LAMA2: variants seen among roughly 807,000 people sequenced by gnomAD.
LAMA2 encodes the protein laminin subunit alpha 2.
In LAMA2, 269 loss-of-function variants were observed where a neutral mutation model predicts 364.8. That is an observed-to-expected ratio of 0.74 (90% confidence interval 0.67 to 0.82). The LOEUF is 0.82. Among genes scored for constraint, LAMA2 ranks in the 40% least tolerant of loss-of-function variants. LAMA2 has a pLI of 0.00. For missense variants in LAMA2, 3,807 were observed against 3,873.2 expected (o/e 0.98, Z 0.45); for synonymous variants, 1,379 against 1,370.6 (o/e 1.01, Z -0.14).
chr6:129,481,330 G>A lies in LAMA2; in HGVS notation c.7640G>A (p.Gly2547Glu), dbSNP rs115488979. 3.0e-4 allele frequency: 483 copies of A among 1,613,808 alleles called. 1 individual carries two copies. In the African/African-American group the frequency reaches 5.8e-3, roughly 19 times the overall value. The change falls in exon 55 of 65, where the codon GGA becomes GAA. Residue 2547 changes from glycine (G) to glutamate (E), a missense_variant. By Grantham distance (98) the Gly-to-Glu change is moderately conservative (BLOSUM62 -2). Around this residue, in one of 3 missense-constraint regions of LAMA2, gnomAD observed 3,333 missense variants for 3,345.7 expected, o/e 1.00. Transcript: ENST00000421865. Reference sequence around the variant, plus strand: ...CTCTCCCCTGTGCCAATTGATGTAGGAACAGAAATCAACCTGTCATTCAGC... The same window carrying A: ...CTCTCCCCTGTGCCAATTGATGTAGAAACAGAAATCAACCTGTCATTCAGC... ...VELSPVPIDV[G>E]TEINLSFSTK...
chr6:128,978,946 T>A (rs2114633850), intron 1 of LAMA2, among the ~76,000 whole-genome samples: 1 of 152,278 alleles, frequency 6.6e-6, no homozygotes, highest in South Asian at 2.1e-4. Flanking sequence ...TATAAAAATG[T>A]CATTGTGGCT....
intron 1 of LAMA2, among the ~76,000 whole-genome samples, chr6:128,944,717 G>A (rs2114552127): frequency 6.6e-6 from 1 of 152,258 alleles, no homozygotes; most frequent in African/African-American, 2.4e-5. Context: ...AAGCACAACA[G>A]CATCTGCCTC....
At chr6:129,048,518 TTCCTTCCTTCCTTC>T in intron 1 of LAMA2, among the ~76,000 whole-genome samples, 1 of 45,404 alleles carries the variant, frequency 2.2e-5, no homozygotes, top group African/African-American at 8.0e-5. Flanking sequence ...CCTTCCTTCC[TTCCTTCCTTCCTTC>T]CTTCCTTCCT....
intron 18 of LAMA2, among the ~76,000 whole-genome samples, chr6:129,282,220 A>G (rs533590183): frequency 2.0e-5 from 3 of 152,346 alleles, no homozygotes; most frequent in East Asian, 1.9e-4. Context: ...CATGTCCTAC[A>G]GTGTGTAATT....
At chr6:129,074,711 A>T (rs1170877730) in intron 3 of LAMA2, among the ~76,000 whole-genome samples, 1 of 152,240 alleles carries the variant, frequency 6.6e-6, no homozygotes, top group African/African-American at 2.4e-5. Flanking sequence ...AATTTAAGGA[A>T]TGTTCTGAAT....
In LAMA2 at chr6:129,300,745, G is replaced by A; in HGVS notation, c.3047G>A (p.Cys1016Tyr). The change falls in exon 22 of 65, where the codon TGT becomes TAT. Residue 1016 changes from cysteine to tyrosine, a missense_variant. Cys to Tyr is a radical substitution (Grantham distance 194, BLOSUM62 -2). Transcript: ENST00000421865. ...TCTTATACCGGTGAAGCTTGTGAAT[G>A]TTCTCATCTGGGTAATAATTGTGAC... ...FQEGGCTACE[C>Y]SHLGNNCDPK... 3 of 1,613,706 alleles carry A rather than the reference G, an allele frequency of 1.9e-6. No individual in the cohort carries two copies. Among genetic ancestry groups the A allele is most frequent in the East Asian group, 2.2e-5 (1 of 44,856 alleles).
chr6:128,896,803 G>A (rs1385524578), intron 1 of LAMA2, among the ~76,000 whole-genome samples: 1 of 152,074 alleles, frequency 6.6e-6, no homozygotes, highest in Non-Finnish European at 1.5e-5. Flanking sequence ...TAAAATGTTT[G>A]CTGTGCTGTT....
chr6:128,993,965 C>T (rs1432931803), intron 1 of LAMA2, among the ~76,000 whole-genome samples: 1 of 152,120 alleles, frequency 6.6e-6, no homozygotes, highest in Non-Finnish European at 1.5e-5. Flanking sequence ...GAGTTTTAAA[C>T]TTGATAACTG....
intron 17 of LAMA2, among the ~76,000 whole-genome samples, chr6:129,274,771 T>C (rs1583394570): frequency 6.6e-6 from 1 of 152,024 alleles, no homozygotes; most frequent in Non-Finnish European, 1.5e-5. Context: ...GTAAAAGTTA[T>C]CTGGAGAGAA....
At chr6:129,150,437 G>C (rs562955472) in intron 7 of LAMA2, among the ~76,000 whole-genome samples, 1 of 152,192 alleles carries the variant, frequency 6.6e-6, no homozygotes, top group South Asian at 2.1e-4. Flanking sequence ...TTGAAGGTAG[G>C]GGTCTTCCTG....
intron 1 of LAMA2, among the ~76,000 whole-genome samples, chr6:128,968,512 G>A (rs1046888629): frequency 6.6e-6 from 1 of 152,128 alleles, no homozygotes; most frequent in Non-Finnish European, 1.5e-5. Context: ...ACAGGTGTTG[G>A]AATAGATCAT....
intron 61 of LAMA2, among the ~76,000 whole-genome samples, chr6:129,507,257 C>T (rs988353832): frequency 2.0e-5 from 3 of 152,012 alleles, no homozygotes; most frequent in Non-Finnish European, 4.4e-5. Context: ...ACTATGAGAA[C>T]AGTCATATTC....
intron 12 of LAMA2, among the ~76,000 whole-genome samples, chr6:129,249,133 A>G (rs996598773): frequency 2.6e-5 from 4 of 152,170 alleles, no homozygotes; most frequent in African/African-American, 7.2e-5. Flanking sequence ...CATCCAGTAC[A>G]TTCCCAACCA....
chr6:129,274,812 T>C (rs1788189896), intron 17 of LAMA2, among the ~76,000 whole-genome samples: 1 of 152,040 alleles, frequency 6.6e-6, no homozygotes, highest in South Asian at 2.1e-4. Flanking sequence ...TTCGAATGTT[T>C]ATATTCTTTA....
intron 3 of LAMA2, among the ~76,000 whole-genome samples, chr6:129,066,047 T>TTTTCTTTTTTTTTC: frequency 1.2e-5 from 1 of 81,864 alleles, no homozygotes; most frequent in Non-Finnish European, 2.5e-5. Context: ...GGTTTTTTTT[T>TTTTCTTTTTTTTTC]TTTTTTTTTT....
At chr6:129,266,321 GAC>G (rs1412354980) in intron 15 of LAMA2, among the ~76,000 whole-genome samples, 1 of 152,104 alleles carries the variant, frequency 6.6e-6, no homozygotes, top group Non-Finnish European at 1.5e-5. Context: ...AGCAGGCACT[GAC>G]ACAGGGAATC....
chr6:129,421,137 A>T (rs1452270514), intron 40 of LAMA2, among the ~76,000 whole-genome samples: 1 of 152,170 alleles, frequency 6.6e-6, no homozygotes, highest in Non-Finnish European at 1.5e-5. Context: ...TTAAAATGCA[A>T]TTACATGCCA....
Position 128,883,199 on chromosome 6 carries a change from G to A in LAMA2, c.-47G>A, listed in dbSNP as rs1775902205. ...GCCAAGGCCAGGGGACAGGGCGGCA[G>A]CGACTCCTCTGGCTCCCGAGAAGTG... On this transcript the variant is annotated 5_prime_UTR_variant, in exon 1 of 65. Transcript: ENST00000421865. The A allele has an allele frequency of 3.3e-6, 5 of 1,531,184 alleles. No homozygotes were observed. The highest frequency in any genetic ancestry group is 1.8e-6 in the Non-Finnish European group (2 of 1,134,816). 94.8% of individuals were successfully genotyped at this position (1,531,184 alleles called of 1,614,324 possible). A position where few individuals can be genotyped will look rare whatever the true frequency, so the allele number is the denominator to read the frequency against.
intron 29 of LAMA2, among the ~76,000 whole-genome samples, chr6:129,339,883 A>C (rs1457315911): frequency 6.6e-6 from 1 of 152,098 alleles, no homozygotes; most frequent in African/African-American, 2.4e-5. Context: ...CATGCCTGTA[A>C]TCTCAGCTAC....
Sources: allele counts gnomAD v4.1 joint callset (sites outside exome capture counted in the v4.1 genomes callset), GRCh38; gene constraint gnomAD v4.1.1; regional missense constraint gnomAD v4.1.1; transcripts MANE v1.5; gene names NCBI Gene and HGNC (gene_info 2026-07-23, HGNC 2026-07-21).